Variants in C1QTNF7 observed in about 807,000 individuals in gnomAD.
The protein encoded by C1QTNF7 is complement C1q tumor necrosis factor-related protein 7.
C1QTNF7 carries 15 observed loss-of-function variants against 19.6 expected under a neutral mutation model. The observed-to-expected ratio is 0.76, with a 90% CI of 0.51 to 1.18. The LOEUF (loss-of-function observed/expected upper bound fraction) is 1.18. Among genes scored for constraint, C1QTNF7 ranks in the 50% most tolerant of loss-of-function variants. The probability of loss-of-function intolerance (pLI) is 0.00; values close to 1 mark genes in which losing one functional copy is unlikely to be tolerated. For missense variants in C1QTNF7, 324 were observed against 359.7 expected, an observed-to-expected ratio of 0.90 and a Z score of 0.80; for synonymous variants, 142 against 137.5, an observed-to-expected ratio of 1.03 and a Z score of -0.23.
chr4:15,439,588 A>G (rs1712668940), intron 2 of C1QTNF7, among the ~76,000 whole-genome samples: 1 of 152,222 alleles, frequency 6.6e-6, no homozygotes, highest in Non-Finnish European at 1.5e-5. Context: ...TGGAGCATTT[A>G]AAACCCAGAA....
intron 1 of C1QTNF7, among the ~76,000 whole-genome samples, chr4:15,369,433 C>G (rs535862748): frequency 6.6e-5 from 10 of 151,924 alleles, no homozygotes; most frequent in Non-Finnish European, 1.0e-4. Context: ...TTCTAATGGC[C>G]CTTGTTAAAT....
At chr4:15,431,595 C>T (rs1179630426) in intron 1 of C1QTNF7, among the ~76,000 whole-genome samples, 1 of 152,210 alleles carries the variant, frequency 6.6e-6, no homozygotes, top group Non-Finnish European at 1.5e-5. Flanking sequence ...AAAAAGGACA[C>T]ATAGGCTCCA....
upstream of C1QTNF7, among the ~76,000 whole-genome samples, chr4:15,423,995 C>A (rs2108928604): frequency 6.6e-6 from 1 of 152,256 alleles, no homozygotes; most frequent in Admixed American, 6.5e-5. Flanking sequence ...TATTAACTGT[C>A]CTTAATATGA....
At position 15,340,197 on chromosome 4, in the gene C1QTNF7, GT is replaced by G. The variant is rs1164401601; in HGVS notation, c.4del (p.Ser2ProfsTer29). 5 of 1,551,494 alleles carry G rather than the reference GT, an allele frequency of 3.2e-6. No individual in the cohort carries two copies. In the Admixed American group the frequency reaches 5.9e-5, roughly 18 times the overall value. On this transcript the variant is annotated frameshift_variant, in exon 1 of 3. Coordinates refer to the C1QTNF7 transcript ENST00000295297. LOFTEE classifies it high-confidence loss of function. ...TGGGGGAAAGTTTGATATCAGCAAT[GT>G]CCAGACAAGGTAAGCTACCATTTTC...
chr4:15,339,979 C>A, exon 1 of C1QTNF7: 1 of 635,494 alleles, frequency 1.6e-6, no homozygotes, highest in Admixed American at 2.8e-5. Context: ...AAGACAGTTG[C>A]AAAACTTCGT....
exon 1 of C1QTNF7, chr4:15,339,958 T>C (rs1273477372): frequency 1.7e-6 from 1 of 603,492 alleles, no homozygotes; most frequent in Admixed American, 3.0e-5. Flanking sequence ...GGGAGGTTGT[T>C]TAAACTGAGA....
intron 1 of C1QTNF7, among the ~76,000 whole-genome samples, chr4:15,348,067 C>A (rs1175033402): frequency 6.6e-6 from 1 of 152,132 alleles, no homozygotes; most frequent in African/African-American, 2.4e-5. Flanking sequence ...TATTTGCAAG[C>A]TAGAAGATAG....
At chr4:15,391,107 C>T (rs898518903) in intron 1 of C1QTNF7, among the ~76,000 whole-genome samples, 4 of 151,408 alleles carry the variant, frequency 2.6e-5, no homozygotes, top group Non-Finnish European at 5.9e-5. Context: ...TGTGTTGAAT[C>T]CAGGTGCTCT....
chr4:15,356,354 G>A (rs564718132), intron 1 of C1QTNF7, among the ~76,000 whole-genome samples: 1 of 150,998 alleles, frequency 6.6e-6, no homozygotes, highest in East Asian at 2.1e-4. Context: ...GCAGTGTTTG[G>A]TTTTCTGTTC....
At chr4:15,434,297 C>T (rs1384081035) in intron 1 of C1QTNF7, among the ~76,000 whole-genome samples, 2 of 152,130 alleles carry the variant, frequency 1.3e-5, no homozygotes, top group Admixed American at 6.5e-5. Context: ...CATGTGCACA[C>T]TGTGTTTTTC....
intron 2 of C1QTNF7, among the ~76,000 whole-genome samples, chr4:15,440,861 G>A (rs371671178): frequency 6.6e-5 from 10 of 152,220 alleles, no homozygotes; most frequent in African/African-American, 1.4e-4. Flanking sequence ...CCTGCTGGCC[G>A]GGCATGGCGG....
At chr4:15,389,980 A>C (rs1718496615) in intron 1 of C1QTNF7, among the ~76,000 whole-genome samples, 1 of 152,132 alleles carries the variant, frequency 6.6e-6, no homozygotes, top group Non-Finnish European at 1.5e-5. Context: ...AGGTCCTTTG[A>C]TATTATGAAG....
At chr4:15,378,201 A>G (rs908137706) in intron 1 of C1QTNF7, among the ~76,000 whole-genome samples, 5 of 152,230 alleles carry the variant, frequency 3.3e-5, no homozygotes, top group African/African-American at 1.2e-4. Flanking sequence ...AAGCTGAATC[A>G]TAAGAAAGAC....
intron 1 of C1QTNF7, among the ~76,000 whole-genome samples, chr4:15,356,945 T>C (rs1717166204): frequency 7.1e-6 from 1 of 141,366 alleles, no homozygotes; most frequent in Admixed American, 6.9e-5. Flanking sequence ...ATAAAGTTGT[T>C]TTTTTTTTTT....
At chr4:15,414,674 T>G (rs1439350663) in intron 1 of C1QTNF7, among the ~76,000 whole-genome samples, 1 of 152,004 alleles carries the variant, frequency 6.6e-6, no homozygotes, top group African/African-American at 2.4e-5. Flanking sequence ...ATCTCTCCAT[T>G]TCTCCTCAGT....
At chr4:15,431,800 C>T (rs1673850194) in intron 1 of C1QTNF7, among the ~76,000 whole-genome samples, 1 of 152,076 alleles carries the variant, frequency 6.6e-6, no homozygotes, top group Non-Finnish European at 1.5e-5. Context: ...GATCCCTGCC[C>T]TCATGTAGCT....
chr4:15,397,145 C>G (rs564734682), intron 1 of C1QTNF7, among the ~76,000 whole-genome samples: 2 of 152,110 alleles, frequency 1.3e-5, no homozygotes, highest in African/African-American at 4.8e-5. Context: ...TGAGGGAAAC[C>G]GCCCCCGTGA....
chr4:15,399,861 TGCTCCAGGGCCTTTCCCATATATGAAATC>T (rs1718922501), intron 1 of C1QTNF7, among the ~76,000 whole-genome samples: 1 of 152,226 alleles, frequency 6.6e-6, no homozygotes, highest in Non-Finnish European at 1.5e-5. Flanking sequence ...AGCCAGGCAT[TGCTCCAGGGCCTTTCCCATATATGAAATC>T]ATCTGTTCTT....
intron 2 of C1QTNF7, among the ~76,000 whole-genome samples, chr4:15,437,532 G>C (rs1577284124): frequency 6.6e-6 from 1 of 152,036 alleles, no homozygotes; most frequent in East Asian, 1.9e-4. Context: ...CGTTTCATGA[G>C]GTAGTTCTAA....
Sources: gnomAD v4.1 joint callset for allele counts (sites outside exome capture counted in the v4.1 genomes callset) on GRCh38, gnomAD v4.1.1 for gene constraint, MANE v1.5 for transcripts, NCBI Gene and HGNC (gene_info 2026-07-23, HGNC 2026-07-21) for gene names.